The following DCC variants were observed in gnomAD, a reference collection of about 807,000 sequenced individuals.
DCC encodes the protein netrin receptor DCC.
DCC carries 58 observed loss-of-function variants against 172.5 expected under a neutral mutation model. The ratio of observed to expected loss-of-function variants is 0.34; its 90% CI spans 0.27 to 0.42. The LOEUF is 0.42. Ranked by LOEUF, DCC falls within the 10% of genes least tolerant of loss-of-function variation. The pLI, the probability that DCC is intolerant of heterozygous loss-of-function variation, is 1.00. For synonymous variants in DCC, 709 were observed against 644.5 expected, an observed-to-expected ratio of 1.10 and a Z score of -1.52; for missense variants, 1,740 against 1,791.0, an observed-to-expected ratio of 0.97 and a Z score of 0.51.
intron 7 of DCC, among the ~76,000 whole-genome samples, chr18:53,095,820 G>T (rs2043078925): frequency 7.0e-6 from 1 of 143,784 alleles, no homozygotes; most frequent in Non-Finnish European, 1.5e-5. Flanking sequence ...GGAGGGTATG[G>T]GGTTTTTTTC....
At chr18:52,535,117 G>C (rs908878460) in intron 1 of DCC, among the ~76,000 whole-genome samples, 3 of 152,154 alleles carry the variant, frequency 2.0e-5, no homozygotes, top group Non-Finnish European at 4.4e-5. Context: ...GTTATAGCCA[G>C]CTCCATCATG....
intron 1 of DCC, among the ~76,000 whole-genome samples, chr18:52,415,134 A>G (rs1196217762): frequency 2.6e-5 from 4 of 152,202 alleles, no homozygotes; most frequent in South Asian, 2.1e-4. Flanking sequence ...GACATTTTTT[A>G]TACCCTTGTG....
intron 5 of DCC, among the ~76,000 whole-genome samples, chr18:53,029,771 T>A (rs2042003804): frequency 6.6e-6 from 1 of 152,154 alleles, no homozygotes; most frequent in Non-Finnish European, 1.5e-5. Context: ...AACAGTCCCA[T>A]GTGGCTTGGT....
intron 1 of DCC, among the ~76,000 whole-genome samples, chr18:52,498,122 T>C (rs1598866267): frequency 6.6e-6 from 1 of 151,328 alleles, no homozygotes. Context: ...CAAAATGTTC[T>C]TCTTTTTTTC....
intron 26 of DCC, among the ~76,000 whole-genome samples, chr18:53,492,083 T>C (rs2045965478): frequency 2.0e-5 from 3 of 152,240 alleles, no homozygotes. Flanking sequence ...CATTTTTTCA[T>C]ATGTTTGTTG....
At chr18:52,998,573 C>A (rs1004759917) in intron 5 of DCC, among the ~76,000 whole-genome samples, 3 of 152,020 alleles carry the variant, frequency 2.0e-5, no homozygotes, top group Non-Finnish European at 1.5e-5. Flanking sequence ...TAATGGATCC[C>A]TTCATGGGGT....
intron 20 of DCC, among the ~76,000 whole-genome samples, chr18:53,415,099 T>C (rs1367003846): frequency 6.6e-6 from 1 of 152,208 alleles, no homozygotes; most frequent in African/African-American, 2.4e-5. Context: ...TTTGTGCTGC[T>C]TTATTTAGAA....
At chr18:52,816,613 G>T (rs569086615) in intron 2 of DCC, 1 of 152,098 alleles carries the variant, frequency 6.6e-6, no homozygotes, top group African/African-American at 2.4e-5. Context: ...ACCACTGAGT[G>T]TTACCATTCC....
At chr18:52,524,413 C>A (rs989834834) in intron 1 of DCC, among the ~76,000 whole-genome samples, 6 of 152,164 alleles carry the variant, frequency 3.9e-5, no homozygotes, top group African/African-American at 1.4e-4. Flanking sequence ...AGTATAACTG[C>A]ATTTCCCTTG....
At chr18:53,130,594 G>T (rs1302750487) in intron 7 of DCC, among the ~76,000 whole-genome samples, 1 of 152,058 alleles carries the variant, frequency 6.6e-6, no homozygotes, top group Non-Finnish European at 1.5e-5. Context: ...GGTGGAGATG[G>T]GAATAGAGAG....
At chr18:53,451,414 T>C (rs1302516608) in intron 23 of DCC, among the ~76,000 whole-genome samples, 1 of 152,086 alleles carries the variant, frequency 6.6e-6, no homozygotes, top group Non-Finnish European at 1.5e-5. Flanking sequence ...GTGCTGGGAG[T>C]CAGCAATAAT....
At chr18:52,362,994 G>T (rs1984689115) in intron 1 of DCC, among the ~76,000 whole-genome samples, 1 of 152,052 alleles carries the variant, frequency 6.6e-6, no homozygotes, top group African/African-American at 2.4e-5. Flanking sequence ...TGCCTTCCGG[G>T]TTCAAGCGAT....
At chr18:52,483,822 T>C (rs1254996161) in intron 1 of DCC, among the ~76,000 whole-genome samples, 1 of 152,122 alleles carries the variant, frequency 6.6e-6, no homozygotes, top group African/African-American at 2.4e-5. Flanking sequence ...TCTCTCTTTC[T>C]GGAGATCCTA....
At chr18:53,284,066 T>G (rs1421565396) in intron 12 of DCC, among the ~76,000 whole-genome samples, 2 of 152,218 alleles carry the variant, frequency 1.3e-5, no homozygotes, top group Admixed American at 6.5e-5. Context: ...TCATAAATTT[T>G]ATGCTGAGAT....
intron 22 of DCC, among the ~76,000 whole-genome samples, chr18:53,444,309 A>G (rs1017639573): frequency 1.1e-4 from 16 of 152,188 alleles, no homozygotes; most frequent in African/African-American, 3.6e-4. Context: ...TGGGAAGCCA[A>G]GTTGGGCAGA....
intron 13 of DCC, among the ~76,000 whole-genome samples, chr18:53,307,729 G>A (rs1292692064): frequency 6.6e-6 from 1 of 150,852 alleles, no homozygotes; most frequent in Non-Finnish European, 1.5e-5. Flanking sequence ...ATAGAGAAAT[G>A]CAAATTAAAA....
At chr18:52,956,545 G>T (rs2040747446) in intron 5 of DCC, among the ~76,000 whole-genome samples, 1 of 151,926 alleles carries the variant, frequency 6.6e-6, no homozygotes, top group South Asian at 2.1e-4. Flanking sequence ...CTCCAGCTTT[G>T]TTCTTACCCT....
intron 1 of DCC, among the ~76,000 whole-genome samples, chr18:52,455,667 T>C (rs1000500315): frequency 6.6e-6 from 1 of 152,200 alleles, no homozygotes; most frequent in Non-Finnish European, 1.5e-5. Context: ...CTTAGTAGCA[T>C]TGTGATCCTC....
At chr18:53,253,491 G>T (rs1038121484) in intron 12 of DCC, among the ~76,000 whole-genome samples, 4 of 151,958 alleles carry the variant, frequency 2.6e-5, no homozygotes, top group African/African-American at 9.7e-5. Flanking sequence ...GTCCTCTTAG[G>T]TTGAAAATGT....
Sources: allele counts gnomAD v4.1 joint callset (sites outside exome capture counted in the v4.1 genomes callset), GRCh38; gene constraint gnomAD v4.1.1; transcripts MANE v1.5; gene names NCBI Gene and HGNC (gene_info 2026-07-23, HGNC 2026-07-21).